Variants in MASP1 observed in about 807,000 individuals in gnomAD.
The protein encoded by MASP1 is MBL associated serine protease 1, also known as mannan-binding lectin serine protease 1.
In MASP1, 59 loss-of-function variants were observed where a neutral mutation model predicts 77.1. The observed-to-expected ratio is 0.77, with a 90% CI of 0.62 to 0.95. MASP1 has a LOEUF of 0.95. MASP1 is among the 40% of genes least tolerant of loss of function. The probability of loss-of-function intolerance (pLI) is 0.00; values close to 1 mark genes in which losing one functional copy is unlikely to be tolerated. For missense variants in MASP1, 885 were observed against 912.9 expected (o/e 0.97, Z 0.39); for synonymous variants, 362 against 354.5 (o/e 1.02, Z -0.24).
Position 187,262,647 on chromosome 3 carries a change from T to G in MASP1, c.311A>C (p.Gln104Pro). The G allele has an allele frequency of 6.2e-7, 1 of 1,614,154 alleles. No individual in the cohort carries two copies. The highest frequency in any genetic ancestry group is 8.5e-7 in the Non-Finnish European group (1 of 1,180,006). Residue 104 changes from glutamine to proline, a missense_variant, in exon 3 of 11, where the codon CAG becomes CCG. Coordinates refer to ENST00000296280, the MANE Select transcript of MASP1 (RefSeq NM_139125.4). Reference protein sequence around the residue: ...ETTDTEQTPGQEVVLSPGSFM... With the variant: ...ETTDTEQTPGPEVVLSPGSFM... The stretch of plus-strand genomic sequence containing the variant: ...GGAGCCAGGGGAGAGGACCACCTCC[T>G]GGCCGGGAGTCTGCTCTGTGTCTGT...
chr3:187,247,045 G>C, intron 8 of MASP1: 1 of 1,294,894 alleles, frequency 7.7e-7, no homozygotes, highest in Non-Finnish European at 9.8e-7. Context: ...TTTTTTTTCC[G>C]TTGAGAAAAG....
At chr3:187,218,671 C>G (rs1056662561) in exon 16 of MASP1, 1 of 152,276 alleles carries the variant, frequency 6.6e-6, no homozygotes, top group Non-Finnish European at 1.5e-5. Flanking sequence ...CAGCTGCATA[C>G]AGGTCAAGAG....
chr3:187,253,085 G>A lies in MASP1; in HGVS notation c.892+83C>T, dbSNP rs1579518893. On this transcript the variant is annotated intron_variant, in intron 6 of 10. Coordinates refer to ENST00000296280, the MANE Select transcript of MASP1 (RefSeq NM_139125.4). ...CATCAGGTCTCCAGAGGAGATCCAA[G>A]CCTGCACACCTCCTCCCTCAGCCAC... 2.5e-6 allele frequency: 4 copies of A among 1,578,032 alleles called. No individual in the cohort carries two copies. In the East Asian group the frequency reaches 9.0e-5, roughly 35 times the overall value.
chr3:187,253,349 G>C, intron 5 of MASP1, 34 bp from the exon 6 acceptor site: 1 of 1,612,306 alleles, frequency 6.2e-7, no homozygotes, highest in Non-Finnish European at 8.5e-7. Flanking sequence ...GAGAAATAGA[G>C]TGTTCCATCT....
rs544990297 is a variant in MASP1 at position 187,273,326 on chromosome 3, T to C, written c.238-10606A>G. ...GTGGCATATTAGCTGTTTGGCTCTT[T>C]GCACTTTACAAAGCCTTCTAACAGT... On this transcript the variant is annotated intron_variant, in intron 2 of 10. Coordinates refer to ENST00000296280, the MANE Select transcript of MASP1 (RefSeq NM_139125.4). Among the ~76,000 whole-genome samples the C allele has an allele frequency of 1.1e-4, 16 of 152,304 alleles. No homozygotes were observed. In the East Asian group the frequency reaches 2.9e-3, roughly 28 times the overall value.
chr3:187,227,638 C>T (rs899619103), intron 11 of MASP1, among the ~76,000 whole-genome samples: 1 of 152,156 alleles, frequency 6.6e-6, no homozygotes, highest in Admixed American at 6.5e-5. Context: ...GCTATGTGCT[C>T]CTGGGTCCTG....
intron 8 of MASP1, among the ~76,000 whole-genome samples, chr3:187,249,049 T>C (rs879410837): frequency 4.7e-4 from 71 of 150,810 alleles, no homozygotes; most frequent in Admixed American, 4.0e-3. Flanking sequence ...AATTCGTTTT[T>C]GTTTGTTTGT....
intron 11 of MASP1, among the ~76,000 whole-genome samples, chr3:187,227,528 G>C (rs1023642298): frequency 2.0e-5 from 3 of 152,174 alleles, no homozygotes; most frequent in African/African-American, 4.8e-5. Flanking sequence ...TAGAACACAG[G>C]GGTGGGGGAG....
chr3:187,217,960 G>C (rs1711852571), exon 16 of MASP1: 1 of 152,236 alleles, frequency 6.6e-6, no homozygotes, highest in African/African-American at 2.4e-5. Context: ...CCCAGAAAAA[G>C]AGTCCACTGG....
chr3:187,250,466 G>A (rs1340553228), intron 7 of MASP1, 137 bp from the exon 8 acceptor site: 3 of 764,888 alleles, frequency 3.9e-6, no homozygotes, highest in Non-Finnish European at 7.2e-6. Context: ...GCTTCCAAGG[G>A]TGAGCTTGAA....
intron 2 of MASP1, among the ~76,000 whole-genome samples, chr3:187,270,173 T>G (rs773452533): frequency 2.0e-5 from 3 of 152,202 alleles, no homozygotes. Context: ...GTATACTATT[T>G]CCAAATTTAG....
At chr3:187,224,917 T>C (rs1023164694) in intron 13 of MASP1, among the ~76,000 whole-genome samples, 1 of 152,186 alleles carries the variant, frequency 6.6e-6, no homozygotes, top group African/African-American at 2.4e-5. Context: ...TCTGGCCCCA[T>C]AGGGCCCCTT....
downstream of MASP1, chr3:187,229,927 A>T (rs375541205): frequency 6.4e-5 from 103 of 1,613,370 alleles, no homozygotes; most frequent in Non-Finnish European, 8.0e-5. Flanking sequence ...GGAGAGACAG[A>T]TCAGACTCTG....
In MASP1 at chr3:187,243,605, G is replaced by T. The variant is rs747512224; in HGVS notation, c.1107C>A (p.Ala369=). The change falls in exon 9 of 11, where the codon GCC becomes GCA. Residue 369 remains alanine, a synonymous_variant. Coordinates refer to ENST00000296280, the MANE Select transcript of MASP1 (RefSeq NM_139125.4). ...IPTCKIVDCR[A]PGELEHGLIT... ...TCAGCCCGTGTTCCAGCTCTCCTGG[G>T]GCTCTACAGTCTACAACTGAGAGAG... 1 of 1,614,198 alleles carries T rather than the reference G, an allele frequency of 6.2e-7. No individual in the cohort carries two copies. Among genetic ancestry groups the T allele is most frequent in the Non-Finnish European group, 8.5e-7 (1 of 1,180,044 alleles).
chr3:187,262,851 G>C (rs1521596), intron 2 of MASP1, 131 bp from the exon 3 acceptor site: 2 of 741,060 alleles, frequency 2.7e-6, no homozygotes, highest in Non-Finnish European at 4.7e-6. Context: ...AAAGAAAGGA[G>C]GTTAAGGATT....
At chr3:187,264,091 T>C (rs1005981790) in intron 2 of MASP1, among the ~76,000 whole-genome samples, 1 of 152,220 alleles carries the variant, frequency 6.6e-6, no homozygotes, top group Non-Finnish European at 1.5e-5. Flanking sequence ...CATTGTTTTG[T>C]TCGTTAGCTT....
chr3:187,224,955 G>T (rs78572435), intron 13 of MASP1, among the ~76,000 whole-genome samples: 6,389 of 152,220 alleles, frequency 0.042, 306 homozygotes, highest in African/African-American at 0.12. Flanking sequence ...CTAACTCCAG[G>T]TTCTTACCTT....
chr3:187,231,765 A>G (rs1041096860), downstream of MASP1, among the ~76,000 whole-genome samples: 3 of 152,256 alleles, frequency 2.0e-5, no homozygotes, highest in Non-Finnish European at 4.4e-5. Context: ...AAGTCTGGTA[A>G]GACGGACTTT....
At chr3:187,242,016 AC>A in intron 9 of MASP1, 1 of 179,836 alleles carries the variant, frequency 5.6e-6, no homozygotes, top group East Asian at 1.5e-4. Flanking sequence ...TCCCCTCCCC[AC>A]CCCACGCTGC....
Sources: gnomAD v4.1 joint callset for allele counts (sites outside exome capture counted in the v4.1 genomes callset) on GRCh38, gnomAD v4.1.1 for gene constraint, MANE v1.5 for transcripts, NCBI Gene and HGNC (gene_info 2026-07-23, HGNC 2026-07-21) for gene names.